Variants in CNTN6 observed in about 807,000 individuals in gnomAD.
CNTN6 encodes contactin-6.
Under a neutral mutation model 122.8 loss-of-function variants are expected in CNTN6, and 137 were observed. The observed-to-expected ratio is 1.12, with a 90% CI of 0.97 to 1.29. The LOEUF (loss-of-function observed/expected upper bound fraction) is 1.29, where lower values mean the gene tolerates loss of function less well. Among genes scored for constraint, CNTN6 ranks in the 50% most tolerant of loss-of-function variants. CNTN6 has a pLI of 0.00. For missense variants in CNTN6, 1,634 were observed against 1,223.4 expected (o/e 1.34, Z -5.01); for synonymous variants, 570 against 426.0 (o/e 1.34, Z -4.16).
intron 2 of CNTN6, among the ~76,000 whole-genome samples, chr3:1,201,007 A>C (rs1575210222): frequency 6.7e-6 from 1 of 149,024 alleles, no homozygotes; most frequent in African/African-American, 2.5e-5. Flanking sequence ...GCTCACTGCA[A>C]CCTCTGCCTC....
intron 7 of CNTN6, among the ~76,000 whole-genome samples, chr3:1,310,353 T>A (rs1406626677): frequency 6.6e-6 from 1 of 151,182 alleles, no homozygotes; most frequent in Non-Finnish European, 1.5e-5. Flanking sequence ...TTCCAAATGC[T>A]TTTTTTGGCA....
intron 11 of CNTN6, among the ~76,000 whole-genome samples, chr3:1,338,425 A>G (rs998668021): frequency 4.6e-5 from 7 of 152,154 alleles, no homozygotes; most frequent in African/African-American, 1.7e-4. Flanking sequence ...CTCTGCCTTC[A>G]AGAGAGGCTG....
chr3:1,338,123 A>T (rs1402442774), intron 11 of CNTN6, among the ~76,000 whole-genome samples: 1 of 152,182 alleles, frequency 6.6e-6, no homozygotes, highest in Admixed American at 6.5e-5. Context: ...TTTTCGTGAC[A>T]GGTAAAGCCA....
At chr3:1,298,153 A>C in intron 7 of CNTN6, 162 bp downstream of exon 7, 1 of 578,250 alleles carries the variant, frequency 1.7e-6, no homozygotes, top group Non-Finnish European at 3.0e-6. Flanking sequence ...AAACATGTCT[A>C]ATACTGAGAC....
intron 11 of CNTN6, among the ~76,000 whole-genome samples, chr3:1,342,927 T>G (rs1704114340): frequency 6.6e-6 from 1 of 152,100 alleles, no homozygotes; most frequent in Non-Finnish European, 1.5e-5. Context: ...CATTAAAAGT[T>G]ATACTGACTG....
intron 4 of CNTN6, among the ~76,000 whole-genome samples, chr3:1,270,381 C>T (rs2095003544): frequency 6.6e-6 from 1 of 152,150 alleles, no homozygotes; most frequent in South Asian, 2.1e-4. Context: ...TTTTGAGATT[C>T]TTAAGAGTAT....
chr3:1,246,574 G>T (rs2094585677), intron 4 of CNTN6, among the ~76,000 whole-genome samples: 1 of 152,182 alleles, frequency 6.6e-6, no homozygotes, highest in South Asian at 2.1e-4. Flanking sequence ...GGGAAATTGG[G>T]CATGCATATG....
At chr3:1,300,370 T>A (rs1343758580) in intron 7 of CNTN6, among the ~76,000 whole-genome samples, 1 of 151,622 alleles carries the variant, frequency 6.6e-6, no homozygotes, top group Non-Finnish European at 1.5e-5. Context: ...TGAATTCTCA[T>A]CTTTCCCAGC....
chr3:1,099,473 A>C (rs1031744901), intron 1 of CNTN6, among the ~76,000 whole-genome samples: 63 of 150,374 alleles, frequency 4.2e-4, no homozygotes, highest in African/African-American at 1.5e-3. Context: ...AATTAATTTA[A>C]ATAAATAAAT....
chr3:1,398,675 A>G (rs1695284167), intron 20 of CNTN6, among the ~76,000 whole-genome samples: 1 of 152,032 alleles, frequency 6.6e-6, no homozygotes, highest in Admixed American at 6.6e-5. Context: ...AATATTTCAT[A>G]TTTTATTTCA....
intron 1 of CNTN6, among the ~76,000 whole-genome samples, chr3:1,105,295 A>T (rs906309856): frequency 2.0e-5 from 3 of 152,116 alleles, no homozygotes; most frequent in African/African-American, 7.2e-5. Context: ...TGAATATTTC[A>T]TGAGTGTTTG....
At chr3:1,308,416 C>G (rs1054742424) in intron 7 of CNTN6, among the ~76,000 whole-genome samples, 1 of 151,542 alleles carries the variant, frequency 6.6e-6, no homozygotes, top group Admixed American at 6.6e-5. Flanking sequence ...AGTCATGTCT[C>G]CAAGGATAGG....
chr3:1,137,562 A>G (rs182364575), intron 1 of CNTN6, among the ~76,000 whole-genome samples: 85 of 152,270 alleles, frequency 5.6e-4, no homozygotes, highest in African/African-American at 2.0e-3. Flanking sequence ...CAGAAATATT[A>G]TTTATAATAT....
intron 7 of CNTN6, among the ~76,000 whole-genome samples, chr3:1,320,188 T>G (rs1376662519): frequency 6.6e-6 from 1 of 151,748 alleles, no homozygotes; most frequent in Non-Finnish European, 1.5e-5. Context: ...ATAATAATTA[T>G]TTTTTACTTA....
intron 11 of CNTN6, among the ~76,000 whole-genome samples, chr3:1,342,577 C>T (rs1452875893): frequency 6.6e-6 from 1 of 152,008 alleles, no homozygotes; most frequent in Non-Finnish European, 1.5e-5. Context: ...TTTAATTACA[C>T]TCTGCCTAAT....
chr3:1,278,321 C>A (rs1030826009), intron 4 of CNTN6, 92 bp from the exon 5 acceptor site: 9 of 861,410 alleles, frequency 1.0e-5, no homozygotes, highest in Admixed American at 5.0e-5. Flanking sequence ...GATTAATTCC[C>A]CTTAATAATA....
intron 5 of CNTN6, among the ~76,000 whole-genome samples, chr3:1,292,880 G>T (rs1695560177): frequency 6.6e-6 from 1 of 151,992 alleles, no homozygotes; most frequent in African/African-American, 2.4e-5. Context: ...GTTTTTAAAT[G>T]TAAGAATTTG....
At chr3:1,224,386 T>C (rs2094250738) in intron 3 of CNTN6, among the ~76,000 whole-genome samples, 1 of 152,090 alleles carries the variant, frequency 6.6e-6, no homozygotes, top group Non-Finnish European at 1.5e-5. Context: ...TGATAATGTA[T>C]TGTATATTTC....
At chr3:1,143,020 C>T (rs1231349226) in intron 1 of CNTN6, among the ~76,000 whole-genome samples, 4 of 118,396 alleles carry the variant, frequency 3.4e-5, no homozygotes, top group African/African-American at 9.9e-5. Flanking sequence ...GCCCAATGAA[C>T]AATACACTTA....
Sources: allele counts gnomAD v4.1 joint callset (sites outside exome capture counted in the v4.1 genomes callset), GRCh38; gene constraint gnomAD v4.1.1; transcripts MANE v1.5; gene names NCBI Gene and HGNC (gene_info 2026-07-23, HGNC 2026-07-21).